SHISA9: variants seen among roughly 807,000 people sequenced by gnomAD.
The protein encoded by SHISA9 is protein shisa-9.
A neutral mutation model predicts 38.0 loss-of-function variants in SHISA9; 13 were observed. The observed-to-expected ratio is 0.34, with a 90% CI of 0.22 to 0.54. SHISA9 has a LOEUF of 0.54. SHISA9 is among the 20% of genes least tolerant of loss of function. The pLI is 0.91. For synonymous variants in SHISA9, 275 were observed against 242.0 expected (o/e 1.14, Z -1.27); for missense variants, 538 against 575.8 (o/e 0.93, Z 0.67).
At chr16:13,074,847 A>G (rs2073562874) in intron 2 of SHISA9, among the ~76,000 whole-genome samples, 3 of 151,980 alleles carry the variant, frequency 2.0e-5, no homozygotes, top group Middle Eastern at 3.4e-3. Flanking sequence ...GTGATTTAAT[A>G]GAGATGGGGT....
Position 12,916,802 on chromosome 16 carries a change from C to T in SHISA9, c.678C>T (p.Pro226=). 6.4e-7 allele frequency: 1 copy of T among 1,551,748 alleles called. No homozygotes were observed. Among genetic ancestry groups the T allele is most frequent in the Non-Finnish European group, 8.7e-7 (1 of 1,146,988 alleles). The stretch of plus-strand genomic sequence containing the variant: ...ATGAGAACATGGACACGAGAACCCC[C>T]ATAAATAATCTTCGTAAGTACAGCT... ...QHYENMDTRT[P]INNLHATQMN... Residue 226 remains proline, a synonymous_variant, in exon 2 of 5, where the codon CCC becomes CCT. Coordinates refer to ENST00000558583, the MANE Select transcript of SHISA9 (RefSeq NM_001145204.3).
At chr16:13,533,323 C>T in the SHISA9 span, among the ~76,000 whole-genome samples, 2 of 152,214 alleles carry the variant, frequency 1.3e-5, no homozygotes, top group African/African-American at 4.8e-5. Context: ...TTCACCTATT[C>T]TGTGCCTGAA....
At chr16:13,466,470 T>C in the SHISA9 span, among the ~76,000 whole-genome samples, 34 of 152,164 alleles carry the variant, frequency 2.2e-4, no homozygotes, top group Non-Finnish European at 4.6e-4. Context: ...CCACACTCTT[T>C]AGGAATGAAG....
chr16:13,185,879 T>A (rs445244), intron 2 of SHISA9, among the ~76,000 whole-genome samples: 12,674 of 152,322 alleles, frequency 0.083, 751 homozygotes, highest in South Asian at 0.28. Context: ...AATGGCTAGG[T>A]TGTTTTAATC....
At chr16:13,473,548 C>G in the SHISA9 span, among the ~76,000 whole-genome samples, 1 of 151,836 alleles carries the variant, frequency 6.6e-6, no homozygotes, top group African/African-American at 2.4e-5. Flanking sequence ...TTTTTCTGAC[C>G]TTTCCCAGAG....
At chr16:12,916,647 T>A in intron 1 of SHISA9, 41 bp from the exon 2 acceptor site, 1 of 1,538,218 alleles carries the variant, frequency 6.5e-7, no homozygotes, top group African/African-American at 1.4e-5. Context: ...TGCCAGTCAT[T>A]GTGTTTTGAA....
intron 2 of SHISA9, among the ~76,000 whole-genome samples, chr16:12,948,107 T>C (rs2071710107): frequency 6.6e-6 from 1 of 152,220 alleles, no homozygotes; most frequent in Non-Finnish European, 1.5e-5. Flanking sequence ...GATTTGTGTT[T>C]AAGGTGCTTA....
At chr16:12,908,885 C>T (rs2071142325) in intron 1 of SHISA9, 1 of 1,064,016 alleles carries the variant, frequency 9.4e-7, no homozygotes, top group African/African-American at 1.7e-5. Context: ...CACCTTCAAA[C>T]AGAATTGGAA....
chr16:13,003,431 T>C (rs2072551079), intron 2 of SHISA9, among the ~76,000 whole-genome samples: 1 of 152,230 alleles, frequency 6.6e-6, no homozygotes, highest in African/African-American at 2.4e-5. Context: ...ACTTTTCAAA[T>C]GCTGCTGTAT....
the SHISA9 span, among the ~76,000 whole-genome samples, chr16:13,328,564 CACCACGCCTGGCTA>C: frequency 6.6e-6 from 1 of 150,884 alleles, no homozygotes; most frequent in African/African-American, 2.4e-5. Context: ...AGGTGCCCAC[CACCACGCCTGGCTA>C]AATATATGTG....
At chr16:13,193,762 G>C (rs1326106437) in intron 2 of SHISA9, among the ~76,000 whole-genome samples, 1 of 152,226 alleles carries the variant, frequency 6.6e-6, no homozygotes, top group South Asian at 2.1e-4. Context: ...CAACTGTGTA[G>C]GGCCCATTGC....
chr16:13,003,464 C>T (rs2072551433), intron 2 of SHISA9, among the ~76,000 whole-genome samples: 1 of 152,148 alleles, frequency 6.6e-6, no homozygotes, highest in African/African-American at 2.4e-5. Context: ...GTTGTTTTGG[C>T]CATGTGCAAA....
chr16:12,921,597 A>T (rs1183582600), intron 2 of SHISA9, among the ~76,000 whole-genome samples: 1 of 152,098 alleles, frequency 6.6e-6, no homozygotes, highest in Non-Finnish European at 1.5e-5. Flanking sequence ...CCCTGTCTCT[A>T]AAAAAAGTAA....
the SHISA9 span, among the ~76,000 whole-genome samples, chr16:13,482,814 AAAAG>A: frequency 6.6e-6 from 1 of 151,268 alleles, no homozygotes; most frequent in Admixed American, 6.6e-5. Flanking sequence ...AAAAAAAAAA[AAAAG>A]AGAGAGAGAG....
intron 2 of SHISA9, among the ~76,000 whole-genome samples, chr16:13,074,213 A>AC (rs1021976577): frequency 9.3e-5 from 14 of 151,160 alleles, no homozygotes; most frequent in East Asian, 3.9e-4. Flanking sequence ...CAGGTGATCC[A>AC]CCCCCCTCGG....
chr16:13,260,217 C>CGT, the SHISA9 span, among the ~76,000 whole-genome samples: 1 of 151,480 alleles, frequency 6.6e-6, no homozygotes, highest in African/African-American at 2.4e-5. Context: ...GGGGTTTCAC[C>CGT]GTGTTGGCCA....
At chr16:13,071,600 C>CCTTCCTCCCTTCCTCCCTTCCTTCCTT (rs372979908) in intron 2 of SHISA9, among the ~76,000 whole-genome samples, 1 of 145,166 alleles carries the variant, frequency 6.9e-6, no homozygotes, top group Non-Finnish European at 1.5e-5. Context: ...TTCCTTCCTT[C>CCTTCCTCCCTTCCTCCCTTCCTTCCTT]CCTTTCTTCC....
the SHISA9 span, among the ~76,000 whole-genome samples, chr16:13,505,002 C>T: frequency 3.3e-5 from 5 of 152,182 alleles, no homozygotes; most frequent in African/African-American, 1.2e-4. Context: ...TCCCTCTTAT[C>T]TGTGACTACG....
intron 3 of SHISA9, among the ~76,000 whole-genome samples, chr16:13,207,469 A>AT (rs1356425097): frequency 4.7e-5 from 6 of 128,780 alleles, no homozygotes; most frequent in African/African-American, 1.8e-4. Flanking sequence ...TTTGACAAGA[A>AT]TAAAAAAAAA....
Sources: allele counts gnomAD v4.1 joint callset (sites outside exome capture counted in the v4.1 genomes callset), GRCh38; gene constraint gnomAD v4.1.1; transcripts MANE v1.5; gene names NCBI Gene and HGNC (gene_info 2026-07-23, HGNC 2026-07-21).